PPP2R2B: variants seen among roughly 807,000 people sequenced by gnomAD.
PPP2R2B encodes the protein serine/threonine-protein phosphatase 2A 55 kDa regulatory subunit B beta isoform.
PPP2R2B carries 5 observed loss-of-function variants against 46.0 expected under a neutral mutation model. That is an observed-to-expected ratio of 0.11 (90% CI 0.06 to 0.23). PPP2R2B has a LOEUF of 0.23. Among genes scored for constraint, PPP2R2B ranks in the 10% least tolerant of loss-of-function variants. The pLI is 1.00. For synonymous variants in PPP2R2B, 215 were observed against 206.7 expected, an observed-to-expected ratio of 1.04 and a Z score of -0.34; for missense variants, 367 against 575.0, an observed-to-expected ratio of 0.64 and a Z score of 3.70.
chr5:146,778,137 G>T (rs1755300046), intron 2 of PPP2R2B, among the ~76,000 whole-genome samples: 1 of 152,110 alleles, frequency 6.6e-6, no homozygotes, highest in African/African-American at 2.4e-5. Context: ...TGGCAATTTG[G>T]GTTCCGGCAT....
upstream of PPP2R2B, among the ~76,000 whole-genome samples, chr5:146,882,095 G>A (rs548939798): frequency 6.6e-6 from 1 of 152,108 alleles, no homozygotes; most frequent in Admixed American, 6.5e-5. Flanking sequence ...GGCTAACATG[G>A]TGAAACCCTG....
chr5:146,682,898 A>T (rs1778267456), intron 5 of PPP2R2B, among the ~76,000 whole-genome samples: 1 of 152,230 alleles, frequency 6.6e-6, no homozygotes, highest in Non-Finnish European at 1.5e-5. Context: ...AGACTGATCT[A>T]TACAGAACCT....
chr5:146,914,797 T>C (rs1013217837), intron 1 of PPP2R2B, among the ~76,000 whole-genome samples: 1 of 152,214 alleles, frequency 6.6e-6, no homozygotes, highest in African/African-American at 2.4e-5. Context: ...GTAGCCCAAA[T>C]GGAAGATCCA....
At chr5:146,750,281 T>A (rs1753475324) in intron 2 of PPP2R2B, among the ~76,000 whole-genome samples, 1 of 152,224 alleles carries the variant, frequency 6.6e-6, no homozygotes, top group African/African-American at 2.4e-5. Flanking sequence ...CTATTTTGGT[T>A]CCTTTGGTTT....
intron 2 of PPP2R2B, among the ~76,000 whole-genome samples, chr5:146,728,311 A>T (rs1195956936): frequency 6.6e-6 from 1 of 152,094 alleles, no homozygotes; most frequent in Non-Finnish European, 1.5e-5. Context: ...TGACTCCTAT[A>T]AACAGAATAT....
intron 2 of PPP2R2B, among the ~76,000 whole-genome samples, chr5:146,807,831 C>CTTTTTTTT (rs1554139359): frequency 3.1e-4 from 23 of 73,924 alleles, no homozygotes; most frequent in Non-Finnish European, 4.5e-4. Context: ...GACAGTTTTG[C>CTTTTTTTT]TCTTGTTGCC....
intron 2 of PPP2R2B, among the ~76,000 whole-genome samples, chr5:146,852,452 C>T (rs1238619714): frequency 1.3e-5 from 2 of 152,174 alleles, no homozygotes; most frequent in Non-Finnish European, 1.5e-5. Context: ...TCTTGCCTTT[C>T]ACACTAGCTC....
At chr5:146,761,920 A>G (rs541396431) in intron 2 of PPP2R2B, among the ~76,000 whole-genome samples, 66 of 152,282 alleles carry the variant, frequency 4.3e-4, no homozygotes, top group African/African-American at 1.5e-3. Flanking sequence ...AGCAAACCGC[A>G]TTGAGCTCTC....
At chr5:147,063,844 C>G (rs1241668193) in intron 2 of PPP2R2B, among the ~76,000 whole-genome samples, 1 of 152,200 alleles carries the variant, frequency 6.6e-6, no homozygotes, top group Admixed American at 6.5e-5. Flanking sequence ...TCTTAGTTTT[C>G]TGACCTGTAG....
intron 1 of PPP2R2B, among the ~76,000 whole-genome samples, chr5:146,910,175 C>G (rs1312938772): frequency 6.6e-6 from 1 of 152,172 alleles, no homozygotes; most frequent in Non-Finnish European, 1.5e-5. Flanking sequence ...AAAATTTAAT[C>G]TTTCATTGCA....
chr5:146,886,134 C>T (rs1230445779), intron 1 of PPP2R2B, among the ~76,000 whole-genome samples: 1 of 151,956 alleles, frequency 6.6e-6, no homozygotes, highest in Non-Finnish European at 1.5e-5. Context: ...GTCAGGAGAT[C>T]GAGACCACCC....
chr5:147,077,613 C>T (rs1757827748), intron 2 of PPP2R2B, among the ~76,000 whole-genome samples: 1 of 152,140 alleles, frequency 6.6e-6, no homozygotes. Flanking sequence ...TATTAATTCA[C>T]TCAACAAATA....
chr5:147,074,611 A>G (rs1014140926), intron 2 of PPP2R2B, among the ~76,000 whole-genome samples: 14 of 152,110 alleles, frequency 9.2e-5, no homozygotes, highest in African/African-American at 3.4e-4. Context: ...TTTTCTGGTG[A>G]CAGCAAAGAG....
chr5:146,857,084 C>T (rs1483898861), intron 2 of PPP2R2B, among the ~76,000 whole-genome samples: 1 of 152,106 alleles, frequency 6.6e-6, no homozygotes, highest in Non-Finnish European at 1.5e-5. Flanking sequence ...AAGTAGGGTC[C>T]TGTGGACAGG....
intron 1 of PPP2R2B, among the ~76,000 whole-genome samples, chr5:146,934,032 T>C (rs1306104262): frequency 6.6e-6 from 1 of 152,118 alleles, no homozygotes; most frequent in East Asian, 1.9e-4. Context: ...TATGGCTGCA[T>C]AGTATTCCAT....
intron 2 of PPP2R2B, among the ~76,000 whole-genome samples, chr5:146,726,940 G>T (rs1337582817): frequency 1.3e-5 from 2 of 152,142 alleles, no homozygotes; most frequent in Non-Finnish European, 2.9e-5. Context: ...TACACATTAT[G>T]GTAAGATTTC....
chr5:146,952,698 T>C (rs1396360184), intron 1 of PPP2R2B, among the ~76,000 whole-genome samples: 1 of 152,112 alleles, frequency 6.6e-6, no homozygotes, highest in Non-Finnish European at 1.5e-5. Context: ...TAAGGTACAA[T>C]GTTATAAGAA....
In PPP2R2B at chr5:146,620,432, C is replaced by T. The variant is rs149762928; in HGVS notation, c.790+17819G>A. Among the ~76,000 whole-genome samples the T allele has an allele frequency of 3.9e-3, 594 of 152,216 alleles. 4 individuals are homozygous for T. The highest frequency in any genetic ancestry group is 7.5e-3 in the Admixed American group (114 of 15,290). The stretch of plus-strand genomic sequence containing the variant: ...GAGCACATTCTCTCCAGCAGGCAGC[C>T]GTAAGGGAGGCGGCTGCAGTCCAGA... On this transcript the variant is annotated intron_variant, in intron 7 of 9. Coordinates refer to ENST00000394411, the MANE Select transcript of PPP2R2B (RefSeq NM_181675.4).
At chr5:146,801,124 A>G (rs1236618282) in intron 2 of PPP2R2B, among the ~76,000 whole-genome samples, 1 of 152,138 alleles carries the variant, frequency 6.6e-6, no homozygotes, top group Non-Finnish European at 1.5e-5. Context: ...GGAATCTAAA[A>G]TAGCTAAACA....
Sources: gnomAD v4.1 joint callset for allele counts (sites outside exome capture counted in the v4.1 genomes callset) on GRCh38, gnomAD v4.1.1 for gene constraint, MANE v1.5 for transcripts, NCBI Gene and HGNC (gene_info 2026-07-23, HGNC 2026-07-21) for gene names.